Variants in CNTN3 observed in about 807,000 individuals in gnomAD.
CNTN3 encodes the protein contactin 3, also known as contactin-3.
CNTN3 carries 60 observed loss-of-function variants against 119.1 expected under a neutral mutation model. The ratio of observed to expected loss-of-function variants is 0.50; its 90% CI spans 0.41 to 0.62. The LOEUF (loss-of-function observed/expected upper bound fraction) is 0.62, where lower values mean the gene tolerates loss of function less well. CNTN3 is among the 20% of genes least tolerant of loss of function. The probability of loss-of-function intolerance (pLI) is 0.00; values close to 1 mark genes in which losing one functional copy is unlikely to be tolerated. For missense variants in CNTN3, 1,101 were observed against 1,242.4 expected (o/e 0.89, Z 1.71); for synonymous variants, 450 against 438.7 (o/e 1.03, Z -0.32).
chr3:74,471,601 A>G (rs1702567961), intron 4 of CNTN3, among the ~76,000 whole-genome samples: 1 of 152,128 alleles, frequency 6.6e-6, no homozygotes, highest in Non-Finnish European at 1.5e-5. Context: ...TTGGAATATG[A>G]TGGTTTACAT....
At chr3:74,321,229 C>A (rs1162332225) in intron 13 of CNTN3, among the ~76,000 whole-genome samples, 2 of 152,160 alleles carry the variant, frequency 1.3e-5, no homozygotes, top group Non-Finnish European at 2.9e-5. Flanking sequence ...TGGCATCATG[C>A]AATATACCTT....
intron 4 of CNTN3, among the ~76,000 whole-genome samples, chr3:74,468,958 A>G (rs944812569): frequency 1.4e-4 from 21 of 152,210 alleles, no homozygotes; most frequent in African/African-American, 5.1e-4. Flanking sequence ...AAAGGCAAGC[A>G]TATTCTAAAG....
Position 74,364,455 on chromosome 3 carries a change from A to G in CNTN3, c.1213+12T>C. 6.2e-7 allele frequency: 1 copy of G among 1,606,900 alleles called. No individual in the cohort carries two copies. The highest frequency in any genetic ancestry group is 2.2e-5 in the East Asian group (1 of 44,730). ...AAAAAATTAAGAGAAGAGCAGAGAA[A>G]ATCAGCCTTACCAACAACTTTGAGC... On this transcript the variant is annotated intron_variant, in intron 10 of 22. Coordinates refer to ENST00000263665, the MANE Select transcript of CNTN3 (RefSeq NM_020872.3).
chr3:74,413,264 A>G (rs1701467807), intron 5 of CNTN3, among the ~76,000 whole-genome samples: 1 of 152,210 alleles, frequency 6.6e-6, no homozygotes, highest in Non-Finnish European at 1.5e-5. Flanking sequence ...TAGAGGGTAC[A>G]TGGATAGGAA....
At chr3:74,283,838 C>A (rs1018537904) in intron 20 of CNTN3, among the ~76,000 whole-genome samples, 1 of 152,086 alleles carries the variant, frequency 6.6e-6, no homozygotes, top group African/African-American at 2.4e-5. Context: ...TTTCCAAACC[C>A]ATGTGCTCTT....
chr3:74,374,944 C>T (rs1047585039), intron 5 of CNTN3, among the ~76,000 whole-genome samples: 1 of 152,058 alleles, frequency 6.6e-6, no homozygotes, highest in Non-Finnish European at 1.5e-5. Flanking sequence ...TTCAGTGATC[C>T]ATATAAAACT....
chr3:74,463,242 T>C (rs1164507736), intron 4 of CNTN3, among the ~76,000 whole-genome samples: 1 of 152,190 alleles, frequency 6.6e-6, no homozygotes, highest in Non-Finnish European at 1.5e-5. Context: ...CTGAAGTAAG[T>C]GTGGAAACCT....
intron 3 of CNTN3, among the ~76,000 whole-genome samples, chr3:74,492,550 C>A (rs368023266): frequency 6.6e-6 from 1 of 152,160 alleles, no homozygotes; most frequent in South Asian, 2.1e-4. Flanking sequence ...AGCTGCATGC[C>A]CTGAGGCCAA....
intron 4 of CNTN3, among the ~76,000 whole-genome samples, chr3:74,456,163 T>A (rs188126476): frequency 9.2e-5 from 14 of 152,068 alleles, no homozygotes; most frequent in Middle Eastern, 3.4e-3. Context: ...GGAAATGGGG[T>A]GGGAAGACAT....
intron 5 of CNTN3, among the ~76,000 whole-genome samples, chr3:74,402,190 G>C (rs928049262): frequency 6.6e-6 from 1 of 152,040 alleles, no homozygotes; most frequent in South Asian, 2.1e-4. Context: ...GCTGTCTTAC[G>C]GCTACGTCCC....
chr3:74,295,140 C>T lies in CNTN3; in HGVS notation c.2498G>A (p.Gly833Glu). Reference protein sequence around the residue: ...WNTIPWKLSNGHLLGYEVRYW... With the variant: ...WNTIPWKLSNEHLLGYEVRYW... ...AATTACCTCATAGCCCAGTAAATGT[C>T]CATTGCTCAACTTCCAAGGAATGGT... The change falls in exon 19 of 23, where the codon GGA becomes GAA. Residue 833 changes from glycine (G) to glutamate (E), a missense_variant. Coordinates refer to ENST00000263665, the MANE Select transcript of CNTN3 (RefSeq NM_020872.3). The T allele has an allele frequency of 6.2e-7, 1 of 1,609,086 alleles. No homozygotes were observed.
chr3:74,503,329 T>C (rs1703198513), intron 2 of CNTN3, among the ~76,000 whole-genome samples: 1 of 152,138 alleles, frequency 6.6e-6, no homozygotes, highest in Non-Finnish European at 1.5e-5. Flanking sequence ...ATATCTGCCA[T>C]CTCTGAAATT....
intron 5 of CNTN3, among the ~76,000 whole-genome samples, chr3:74,407,161 G>A (rs892741539): frequency 6.6e-6 from 1 of 151,574 alleles, no homozygotes; most frequent in African/African-American, 2.4e-5. Flanking sequence ...CTAAGATAAA[G>A]AAATGTGGAA....
chr3:74,297,644 G>A (rs62269913), intron 18 of CNTN3, among the ~76,000 whole-genome samples: 3,569 of 152,278 alleles, frequency 0.023, 63 homozygotes, highest in Non-Finnish European at 0.036. Flanking sequence ...TAGCTATCTG[G>A]TTAGGAACAA....
At chr3:74,447,121 G>T (rs1702063248) in intron 4 of CNTN3, among the ~76,000 whole-genome samples, 1 of 152,146 alleles carries the variant, frequency 6.6e-6, no homozygotes, top group African/African-American at 2.4e-5. Context: ...AAGCCAAAAA[G>T]AATGATGTAG....
intron 20 of CNTN3, among the ~76,000 whole-genome samples, chr3:74,280,701 C>T (rs1298747882): frequency 6.6e-6 from 1 of 152,200 alleles, no homozygotes; most frequent in Non-Finnish European, 1.5e-5. Context: ...ATTACTTAAG[C>T]ACTGGAGTAG....
intron 11 of CNTN3, among the ~76,000 whole-genome samples, chr3:74,356,680 A>T (rs1208584889): frequency 1.3e-5 from 2 of 152,098 alleles, no homozygotes; most frequent in Non-Finnish European, 2.9e-5. Context: ...CACTTTTTGC[A>T]GGATAAGCCT....
intron 4 of CNTN3, 79 bp downstream of exon 4, chr3:74,486,377 T>C (rs970686662): frequency 7.7e-7 from 1 of 1,304,686 alleles, no homozygotes; most frequent in African/African-American, 1.5e-5. Context: ...GTATTATTTC[T>C]GAAATCCAAA....
At chr3:74,280,805 GGACACA>G (rs1701990292) in intron 20 of CNTN3, among the ~76,000 whole-genome samples, 1 of 152,136 alleles carries the variant, frequency 6.6e-6, no homozygotes, top group South Asian at 2.1e-4. Context: ...GATGTCCTGG[GGACACA>G]GTGATGAAGT....
Sources: allele counts gnomAD v4.1 joint callset (sites outside exome capture counted in the v4.1 genomes callset), GRCh38; gene constraint gnomAD v4.1.1; transcripts MANE v1.5; gene names NCBI Gene and HGNC (gene_info 2026-07-23, HGNC 2026-07-21).